RNF220: variants seen among roughly 807,000 people sequenced by gnomAD.
RNF220 encodes the protein ring finger protein 220.
In RNF220, 7 loss-of-function variants were observed where a neutral mutation model predicts 67.1. That is an observed-to-expected ratio of 0.10 (90% CI 0.06 to 0.20). The LOEUF (loss-of-function observed/expected upper bound fraction) is 0.20, where lower values mean the gene tolerates loss of function less well. RNF220 is among the 10% of genes least tolerant of loss of function. The pLI is 1.00. For missense variants in RNF220, 565 were observed against 740.3 expected (o/e 0.76, Z 2.75); for synonymous variants, 270 against 283.2 (o/e 0.95, Z 0.47).
chr1:44,630,107 T>G (rs1211336476), intron 5 of RNF220, among the ~76,000 whole-genome samples: 1 of 152,206 alleles, frequency 6.6e-6, no homozygotes, highest in Admixed American at 6.5e-5. Flanking sequence ...TGGGGTTTTG[T>G]TTTTGTTTTT....
intron 2 of RNF220, among the ~76,000 whole-genome samples, chr1:44,440,990 T>G (rs1326139206): frequency 6.6e-6 from 1 of 152,176 alleles, no homozygotes; most frequent in Admixed American, 6.5e-5. Flanking sequence ...GGAGAGCCGC[T>G]GGCCTGCGGA....
At chr1:44,503,921 C>T (rs1365604466) in intron 2 of RNF220, among the ~76,000 whole-genome samples, 1 of 152,066 alleles carries the variant, frequency 6.6e-6, no homozygotes, top group Non-Finnish European at 1.5e-5. Context: ...ACAGTCTCGG[C>T]TCACTACAAC....
At chr1:44,599,399 G>A (rs530985020) in intron 2 of RNF220, among the ~76,000 whole-genome samples, 32 of 152,288 alleles carry the variant, frequency 2.1e-4, no homozygotes, top group Admixed American at 4.6e-4. Context: ...AGGGTCAGGC[G>A]CGGTGGCTCA....
At chr1:44,634,231 G>A (rs994300796) in intron 6 of RNF220, among the ~76,000 whole-genome samples, 1 of 152,132 alleles carries the variant, frequency 6.6e-6, no homozygotes, top group African/African-American at 2.4e-5. Context: ...GAAACAGGAG[G>A]GCATTCTAGG....
At chr1:44,613,282 A>G (rs1302993829) in intron 2 of RNF220, among the ~76,000 whole-genome samples, 1 of 149,322 alleles carries the variant, frequency 6.7e-6, no homozygotes, top group Non-Finnish European at 1.5e-5. Flanking sequence ...ATCCATGGAT[A>G]TGCAGGGATG....
intron 5 of RNF220, chr1:44,631,620 C>G (rs1184883154): frequency 6.6e-6 from 1 of 152,502 alleles, no homozygotes; most frequent in Non-Finnish European, 1.5e-5. Flanking sequence ...CGGGGATCGC[C>G]CACAGGCGAT....
rs1279894235 is a variant in RNF220, at chr1:44,624,993, C to T, written c.805-1304C>T. On this transcript the variant is annotated intron_variant, in intron 4 of 14. Transcript: ENST00000361799. This position sits in a 1 kb window ranked among gnomAD's most constrained non-coding sequence, Gnocchi z 4.2. The stretch of plus-strand genomic sequence containing the variant: ...ATTCCGCTTGCCCCAGGTGTAATGC[C>T]GAGGCCTCTCAGGGCTTCTAACCTA... Among the ~76,000 whole-genome samples the T allele has an allele frequency of 2.0e-5, 3 of 150,498 alleles. No individual in the cohort carries two copies. Among genetic ancestry groups the T allele is most frequent in the Non-Finnish European group, 4.4e-5 (3 of 67,808 alleles).
chr1:44,620,874 T>C (rs937626486), intron 3 of RNF220, among the ~76,000 whole-genome samples: 3 of 152,042 alleles, frequency 2.0e-5, no homozygotes, highest in African/African-American at 4.8e-5. Flanking sequence ...CTTGTGCACA[T>C]GAGCAGCTCT....
At chr1:44,534,183 T>G (rs1661034245) in intron 2 of RNF220, among the ~76,000 whole-genome samples, 1 of 152,122 alleles carries the variant, frequency 6.6e-6, no homozygotes, top group South Asian at 2.1e-4. Flanking sequence ...TTTCGCTATG[T>G]TGGCCAGGCT....
Position 44,645,137 on chromosome 1 carries a change from C to T in RNF220, c.1310+56C>T. Reference sequence around the variant, plus strand: ...AGCAGAGAAACAGGAAGCCCTGAGGCAGGGGTTAACGCAGTACTGACCCTC... The same window carrying T: ...AGCAGAGAAACAGGAAGCCCTGAGGTAGGGGTTAACGCAGTACTGACCCTC... On this transcript the variant is annotated intron_variant, in intron 10 of 14. Coordinates refer to ENST00000361799, the MANE Select transcript of RNF220 (RefSeq NM_018150.4). The surrounding 1 kb of genome is among the most constrained non-coding windows in gnomAD (Gnocchi z 5.0). 6.2e-7 allele frequency: 1 copy of T among 1,611,554 alleles called. No homozygotes were observed. Among genetic ancestry groups the T allele is most frequent in the East Asian group, 2.2e-5 (1 of 44,854 alleles).
Position 44,622,657 on chromosome 1 carries a change from G to C in RNF220, c.759-85G>C. Reference sequence around the variant, plus strand: ...GGGCTAGGCGGTCTATGCCTTCTCTGTCTTTGGGGTCTTCTTGCTACTCTA... The same window carrying C: ...GGGCTAGGCGGTCTATGCCTTCTCTCTCTTTGGGGTCTTCTTGCTACTCTA... On this transcript the variant is annotated intron_variant, in intron 3 of 14. Coordinates refer to ENST00000361799, the MANE Select transcript of RNF220 (RefSeq NM_018150.4). This position sits in a 1 kb window ranked among gnomAD's most constrained non-coding sequence, Gnocchi z 4.3. 7.9e-7 allele frequency: 1 copy of C among 1,264,888 alleles called. No homozygotes were observed. Among genetic ancestry groups the C allele is most frequent in the Non-Finnish European group, 1.2e-6 (1 of 864,618 alleles). The allele number at this position is 1,264,888 out of a possible 1,614,324, so 78.4% of individuals were successfully genotyped here. A position where few individuals can be genotyped will look rare whatever the true frequency, so the allele number is the denominator to read the frequency against.
At chr1:44,632,731 G>A in intron 6 of RNF220, 1 of 403,176 alleles carries the variant, frequency 2.5e-6, no homozygotes. Flanking sequence ...AACCTGCAGG[G>A]CGCTGAGAAT....
chr1:44,560,934 A>T (rs1017370161), intron 2 of RNF220, among the ~76,000 whole-genome samples: 1 of 152,174 alleles, frequency 6.6e-6, no homozygotes, highest in Non-Finnish European at 1.5e-5. Context: ...GAATGAAACC[A>T]ACTCTGTCCC....
intron 2 of RNF220, among the ~76,000 whole-genome samples, chr1:44,558,297 C>T (rs1663279457): frequency 6.6e-6 from 1 of 152,218 alleles, no homozygotes; most frequent in Non-Finnish European, 1.5e-5. Context: ...GGCCCAGCCC[C>T]CACTGTATAT....
chr1:44,539,556 G>A (rs950405055), intron 2 of RNF220, among the ~76,000 whole-genome samples: 2 of 152,162 alleles, frequency 1.3e-5, no homozygotes, highest in African/African-American at 2.4e-5. Flanking sequence ...TGTAATGAGT[G>A]TCTGCAGAGA....
intron 2 of RNF220, among the ~76,000 whole-genome samples, chr1:44,595,290 C>T (rs1666398939): frequency 6.6e-6 from 1 of 152,210 alleles, no homozygotes; most frequent in Non-Finnish European, 1.5e-5. Context: ...CTAACACCCC[C>T]TCCCAGTGCT....
chr1:44,632,071 G>A, intron 5 of RNF220: 1 of 1,149,622 alleles, frequency 8.7e-7, no homozygotes, highest in Non-Finnish European at 1.1e-6. Flanking sequence ...CCGGGCGGCC[G>A]TGGGGCCCAG....
At position 44,494,137 on chromosome 1, in the gene RNF220, C is replaced by T. The variant is rs190664352; in HGVS notation, c.625+81415C>T. Among the ~76,000 whole-genome samples, 93 of 144,740 alleles carry T rather than the reference C, an allele frequency of 6.4e-4. No individual in the cohort carries two copies. The Admixed American group carries it at 6.6e-3, about 10-fold the overall frequency. The allele number at this position is 144,740 out of a possible 152,430, so 95.0% of individuals were successfully genotyped here. ...AGGAGAATCGCTTGAACTCAGGAGG[C>T]GGAGGTTGCAGTGAGCCAAAATCAC... is the stretch of plus-strand genomic sequence containing the variant. On this transcript the variant is annotated intron_variant, in intron 2 of 14. Transcript: ENST00000361799.
intron 2 of RNF220, among the ~76,000 whole-genome samples, chr1:44,507,067 G>A (rs1197492888): frequency 1.3e-5 from 2 of 152,128 alleles, no homozygotes; most frequent in African/African-American, 2.4e-5. Flanking sequence ...AGATCCTCCA[G>A]CCCCATAGCT....
Sources: allele counts gnomAD v4.1 joint callset (sites outside exome capture counted in the v4.1 genomes callset), GRCh38; gene constraint gnomAD v4.1.1; non-coding constraint Gnocchi (gnomAD v3.1); transcripts MANE v1.5; gene names NCBI Gene and HGNC (gene_info 2026-07-23, HGNC 2026-07-21).